Variants in PTRH1 observed in about 807,000 individuals in gnomAD.
PTRH1 encodes peptidyl-tRNA hydrolase.
A neutral mutation model predicts 15.7 loss-of-function variants in PTRH1; 13 were observed. The ratio of observed to expected loss-of-function variants is 0.83; its 90% CI spans 0.54 to 1.31. PTRH1 has a LOEUF of 1.31. Among genes scored for constraint, PTRH1 ranks in the 40% most tolerant of loss-of-function variants. The pLI is 0.00. For missense variants in PTRH1, 319 were observed against 296.2 expected, an observed-to-expected ratio of 1.08 and a Z score of -0.56; for synonymous variants, 139 against 136.7, an observed-to-expected ratio of 1.02 and a Z score of -0.12.
chr9:127,711,449 GAGAACACCCAGA>G, downstream of PTRH1: 1 of 1,614,048 alleles, frequency 6.2e-7, no homozygotes, highest in Non-Finnish European at 8.5e-7. Flanking sequence ...GGAGCTGCTG[GAGAACACCCAGA>G]AGGTCATGGC....
intron 1 of PTRH1, among the ~76,000 whole-genome samples, chr9:127,700,102 TAAA>T (rs1371498996): frequency 6.6e-6 from 1 of 151,978 alleles, no homozygotes; most frequent in Non-Finnish European, 1.5e-5. Context: ...TAAAGTCAAA[TAAA>T]AAAGCAACTT....
At chr9:127,710,617 C>T (rs1418466402), downstream of PTRH1, 1 of 1,584,676 alleles carries the variant, frequency 6.3e-7, no homozygotes, top group African/African-American at 1.3e-5. Context: ...AGCTGGCAGC[C>T]CTGGAGGAGT....
chr9:127,711,464 G>A (rs1178506899), downstream of PTRH1: 1 of 1,613,928 alleles, frequency 6.2e-7, no homozygotes, highest in Admixed American at 1.7e-5. Context: ...CACCCAGAAG[G>A]TCATGGCCAG....
chr9:127,699,596 C>G (rs144772736), intron 1 of PTRH1, among the ~76,000 whole-genome samples: 1 of 151,896 alleles, frequency 6.6e-6, no homozygotes, highest in African/African-American at 2.4e-5. Context: ...TTAGGCAGTA[C>G]GAATACTAAA....
At chr9:127,711,590 C>A, downstream of PTRH1, 1 of 1,480,326 alleles carries the variant, frequency 6.8e-7, no homozygotes, top group South Asian at 1.3e-5. Context: ...GCAGTCAAGT[C>A]AGGAGGGAGG....
chr9:127,713,153 C>T (rs1436019703), downstream of PTRH1: 7 of 1,606,046 alleles, frequency 4.4e-6, no homozygotes, highest in Admixed American at 3.4e-5. Flanking sequence ...GGACCTCAGG[C>T]TGCTGTCATA....
intron 2 of PTRH1, among the ~76,000 whole-genome samples, chr9:127,694,312 A>ATTG (rs1347759431): frequency 6.6e-6 from 1 of 152,146 alleles, no homozygotes; most frequent in African/African-American, 2.4e-5. Flanking sequence ...AAAATTCTAA[A>ATTG]TTGTTCTAAG....
downstream of PTRH1, chr9:127,710,730 A>AGAAGT (rs1273892091): frequency 3.8e-6 from 6 of 1,568,866 alleles, no homozygotes; most frequent in Admixed American, 9.5e-5. Flanking sequence ...AACCTGGAGA[A>AGAAGT]GAAGTCGGTG....
In PTRH1 at chr9:127,714,998, T is replaced by G; in HGVS notation, c.293A>C (p.Asn98Thr). The G allele has an allele frequency of 1.7e-6, 2 of 1,208,442 alleles. No individual in the cohort carries two copies. The highest frequency in any genetic ancestry group is 1.0e-6 in the Non-Finnish European group (1 of 954,518). 74.9% of individuals were successfully genotyped at this position (1,208,442 alleles called of 1,614,324 possible). A position where few individuals can be genotyped will look rare whatever the true frequency, so the allele number is the denominator to read the frequency against. Residue 98 changes from asparagine to threonine, a missense_variant, in exon 2 of 5, where the codon AAC becomes ACC. Physicochemically the swap from Asn to Thr is moderately conservative, Grantham distance 65. Coordinates refer to ENST00000543175, the MANE Select transcript of PTRH1 (RefSeq NM_001002913.3). ...ACCAGCCCGGGCCACGCTGCGCCCG[T>G]TGGCGTTCATAAGCCGCCGTGGCCG... ...LLRPRRLMNANGRSVARAAEL... is the reference protein window; with the variant it reads ...LLRPRRLMNATGRSVARAAEL...
intron 1 of PTRH1, among the ~76,000 whole-genome samples, chr9:127,708,704 G>A (rs563264948): frequency 7.9e-5 from 12 of 152,334 alleles, no homozygotes; most frequent in African/African-American, 2.6e-4. Flanking sequence ...TACAGAGGTG[G>A]AGGAGAGGGA....
intron 1 of PTRH1, among the ~76,000 whole-genome samples, chr9:127,698,101 A>G (rs1173274898): frequency 6.6e-6 from 1 of 152,166 alleles, no homozygotes; most frequent in African/African-American, 2.4e-5. Flanking sequence ...AAACAATCTG[A>G]CTTAAAAATG....
At position 127,715,645 on chromosome 9, in the gene PTRH1, C is replaced by A. The variant is rs577113179; in HGVS notation, c.-6G>T. The A allele has an allele frequency of 3.1e-6, 5 of 1,610,842 alleles. No individual in the cohort carries two copies. The highest frequency in any genetic ancestry group is 4.2e-6 in the Non-Finnish European group (5 of 1,179,636). On this transcript the variant is annotated 5_prime_UTR_variant, in exon 1 of 5. Coordinates refer to ENST00000543175, the MANE Select transcript of PTRH1 (RefSeq NM_001002913.3). This position sits in a 1 kb window ranked among gnomAD's most constrained non-coding sequence, Gnocchi z 5.8. ...AAAAAGCCGCCCGGCCTCATGCTGC[C>A]CCCATTCACTCCGACACCGCCCCCT...
downstream of PTRH1, chr9:127,712,572 C>A (rs1265160915): frequency 6.4e-7 from 1 of 1,553,924 alleles, no homozygotes; most frequent in African/African-American, 1.4e-5. Flanking sequence ...GGGCCTCAGT[C>A]TTCCCGACTG....
chr9:127,714,374 C>G lies in PTRH1; in HGVS notation c.462+5G>C. 1 of 1,614,248 alleles carries G rather than the reference C, an allele frequency of 6.2e-7. No homozygotes were observed. Among genetic ancestry groups the G allele is most frequent in the African/African-American group, 1.3e-5 (1 of 75,070 alleles). The stretch of plus-strand genomic sequence containing the variant: ...CCCAGTTGCACAACAAAAGGGTAGA[C>G]TCACATTGGAGTTGAGGCAGCTAAT... On this transcript the variant is annotated splice_donor_5th_base_variant and intron_variant, in intron 4 of 4. Coordinates refer to ENST00000543175, the MANE Select transcript of PTRH1 (RefSeq NM_001002913.3).
At chr9:127,713,678 T>C, downstream of PTRH1, 1 of 551,922 alleles carries the variant, frequency 1.8e-6, no homozygotes, top group South Asian at 1.9e-5. Context: ...GGCTACTTTT[T>C]GTATTTTTAG....
At chr9:127,704,320 C>A (rs1241524571) in intron 1 of PTRH1, among the ~76,000 whole-genome samples, 1 of 151,862 alleles carries the variant, frequency 6.6e-6, no homozygotes, top group East Asian at 1.9e-4. Flanking sequence ...CCCTGGGCAA[C>A]ACGATGAAAC....
At chr9:127,695,303 A>T (rs539493100) in intron 1 of PTRH1, 11 of 586,192 alleles carry the variant, frequency 1.9e-5, no homozygotes, top group African/African-American at 1.7e-4. Flanking sequence ...TCAGACACTT[A>T]ACAATGAGTG....
Position 127,715,465 on chromosome 9 carries a change from G to A in PTRH1, c.96+79C>T, listed in dbSNP as rs1484767986. On this transcript the variant is annotated intron_variant, in intron 1 of 4. Coordinates refer to ENST00000543175, the MANE Select transcript of PTRH1 (RefSeq NM_001002913.3). This position sits in a 1 kb window ranked among gnomAD's most constrained non-coding sequence, Gnocchi z 5.8. ...AAGAAAACAGAGCAGCAATTTGGGG[G>A]CACTCGGCTCCCGGGACATAATGGC... is the stretch of plus-strand genomic sequence containing the variant. 1.3e-6 allele frequency: 2 copies of A among 1,582,336 alleles called. No homozygotes were observed. The highest frequency in any genetic ancestry group is 1.1e-5 in the South Asian group (1 of 89,412).
chr9:127,697,768 CCTT>C (rs1842573299), intron 1 of PTRH1, among the ~76,000 whole-genome samples: 1 of 152,234 alleles, frequency 6.6e-6, no homozygotes, highest in African/African-American at 2.4e-5. Context: ...CACATGCGCT[CCTT>C]CTTACAACTG....
Sources: allele counts gnomAD v4.1 joint callset (sites outside exome capture counted in the v4.1 genomes callset), GRCh38; gene constraint gnomAD v4.1.1; non-coding constraint Gnocchi (gnomAD v3.1); transcripts MANE v1.5; gene names NCBI Gene and HGNC (gene_info 2026-07-23, HGNC 2026-07-21).